The following OSER1 variants were observed in gnomAD, a reference collection of about 807,000 sequenced individuals.
The protein encoded by OSER1 is oxidative stress-responsive serine-rich protein 1.
A neutral mutation model predicts 26.3 loss-of-function variants in OSER1; 15 were observed. That is an observed-to-expected ratio of 0.57 (90% CI 0.38 to 0.88). The LOEUF (loss-of-function observed/expected upper bound fraction) is 0.88, where lower values mean the gene tolerates loss of function less well. Ranked by LOEUF, OSER1 falls within the 40% of genes least tolerant of loss-of-function variation. The probability of loss-of-function intolerance (pLI) is 0.00; values close to 1 mark genes in which losing one functional copy is unlikely to be tolerated. For synonymous variants in OSER1, 127 were observed against 128.2 expected, an observed-to-expected ratio of 0.99 and a Z score of 0.07; for missense variants, 313 against 353.9, an observed-to-expected ratio of 0.88 and a Z score of 0.93.
intron 3 of OSER1, 99 bp downstream of exon 3, chr20:44,202,862 T>G: frequency 4.6e-6 from 3 of 654,926 alleles, no homozygotes. Flanking sequence ...GGGTCTTAGG[T>G]TCTATATCAT....
intron 1 of OSER1, among the ~76,000 whole-genome samples, chr20:44,208,553 C>T (rs1453982861): frequency 6.6e-6 from 1 of 152,100 alleles, no homozygotes; most frequent in Admixed American, 6.5e-5. Context: ...ATTATCCACA[C>T]AATCCCATGC....
intron 3 of OSER1, among the ~76,000 whole-genome samples, chr20:44,198,128 A>C (rs1164153150): frequency 6.6e-6 from 1 of 152,180 alleles, no homozygotes; most frequent in African/African-American, 2.4e-5. Context: ...CTAAACCTGA[A>C]TATAGCAGCT....
At chr20:44,202,194 G>A (rs1239152897) in intron 3 of OSER1, among the ~76,000 whole-genome samples, 1 of 152,126 alleles carries the variant, frequency 6.6e-6, no homozygotes, top group Non-Finnish European at 1.5e-5. Context: ...TGGCCAACAT[G>A]ATGAAATTCT....
intron 2 of OSER1, among the ~76,000 whole-genome samples, chr20:44,206,024 A>G (rs1297190169): frequency 6.6e-6 from 1 of 151,950 alleles, no homozygotes; most frequent in Admixed American, 6.6e-5. Context: ...ACGTCCTACC[A>G]ATGTGACTTT....
intron 1 of OSER1, among the ~76,000 whole-genome samples, chr20:44,209,430 T>A (rs910173726): frequency 1.3e-5 from 2 of 152,212 alleles, no homozygotes; most frequent in African/African-American, 2.4e-5. Flanking sequence ...CTCCTCTGCA[T>A]CCCCAGATCC....
At chr20:44,204,615 C>CT (rs1208313024) in intron 2 of OSER1, among the ~76,000 whole-genome samples, 1 of 152,084 alleles carries the variant, frequency 6.6e-6, no homozygotes, top group East Asian at 1.9e-4. Context: ...ACACAGTACC[C>CT]TATAGGTAGG....
At chr20:44,203,944 A>G (rs1476246248) in intron 2 of OSER1, among the ~76,000 whole-genome samples, 1 of 152,200 alleles carries the variant, frequency 6.6e-6, no homozygotes, top group Non-Finnish European at 1.5e-5. Flanking sequence ...TAAGTGTACA[A>G]AGAACTTTTA....
rs2072998669 is a variant in OSER1, at chr20:44,202,998, G to A, written c.154C>T (p.Pro52Ser). The A allele has an allele frequency of 1.9e-6, 3 of 1,612,770 alleles. No individual in the cohort carries two copies. In the Admixed American group the frequency reaches 5.0e-5, roughly 27 times the overall value. ...PVRTATDDTK[P>S]KTTCASKDSW... Reference sequence around the variant, plus strand: ...TCTTTAGATGCACATGTGGTTTTAGGTTTGGTATCATCTGTTGCTGTTCTG... The same window carrying A: ...TCTTTAGATGCACATGTGGTTTTAGATTTGGTATCATCTGTTGCTGTTCTG... Residue 52 changes from proline to serine, a missense_variant, in exon 3 of 4, where the codon CCT (proline) becomes TCT (serine). By Grantham distance (74) the Pro-to-Ser change is moderately conservative. Coordinates refer to ENST00000255174, the MANE Select transcript of OSER1 (RefSeq NM_016470.8).
chr20:44,198,067 C>T, intron 3 of OSER1, among the ~76,000 whole-genome samples: 1 of 152,188 alleles, frequency 6.6e-6, no homozygotes, highest in South Asian at 2.1e-4. Flanking sequence ...CTGAGGGAAG[C>T]ACCTCAAACA....
chr20:44,197,710 A>G lies in OSER1; in HGVS notation c.221T>C (p.Val74Ala), dbSNP rs9346. ...GSTRKSSRGA[V>A]RTQRRRRSKS... Reference sequence around the variant, plus strand: ...AGAACGTCGACGACGCTGAGTTCTCACTGCTCCTCGTGAAGACTTCCTTGT... The same window carrying G: ...AGAACGTCGACGACGCTGAGTTCTCGCTGCTCCTCGTGAAGACTTCCTTGT... Residue 74 changes from valine (V) to alanine (A), a missense_variant, in exon 4 of 4, where the codon GTG (valine) becomes GCG (alanine). Physicochemically the swap from Val to Ala is moderately conservative, Grantham distance 64. Transcript: ENST00000255174. 12 of 1,612,588 alleles carry G rather than the reference A, an allele frequency of 7.4e-6. No homozygotes were observed. In the South Asian group the frequency reaches 1.2e-4, roughly 16 times the overall value.
At chr20:44,200,590 G>A (rs576720409) in intron 3 of OSER1, among the ~76,000 whole-genome samples, 7 of 152,340 alleles carry the variant, frequency 4.6e-5, no homozygotes, top group African/African-American at 1.4e-4. Context: ...AAATGTAAAA[G>A]TTAAGAGAGA....
chr20:44,197,297 T>C lies in OSER1; in HGVS notation c.634A>G (p.Met212Val). Residue 212 changes from methionine to valine, a missense_variant, in exon 4 of 4, where the codon ATG becomes GTG. By Grantham distance (21) the Met-to-Val change is conservative (BLOSUM62 1). Coordinates refer to ENST00000255174, the MANE Select transcript of OSER1 (RefSeq NM_016470.8). ...AGGCCTGAAAAGGAATACACTTCCATATCATGCCATCTCTTACACTGGCAT... is the reference window on the plus strand; with the variant it reads ...AGGCCTGAAAAGGAATACACTTCCACATCATGCCATCTCTTACACTGGCAT... ...KECQCKRWHD[M>V]EVYSFSGLQS... 1 of 1,614,170 alleles carries C rather than the reference T, an allele frequency of 6.2e-7. No homozygotes were observed. Among genetic ancestry groups the C allele is most frequent in the Non-Finnish European group, 8.5e-7 (1 of 1,179,968 alleles).
chr20:44,204,812 T>G (rs980675861), intron 2 of OSER1, among the ~76,000 whole-genome samples: 1 of 152,190 alleles, frequency 6.6e-6, no homozygotes, highest in African/African-American at 2.4e-5. Context: ...TCCAAGTAAT[T>G]TTTAGGGATA....
chr20:44,210,566 C>G (rs1335481179), intron 1 of OSER1, 130 bp downstream of exon 1: 7 of 152,408 alleles, frequency 4.6e-5, no homozygotes. Context: ...AGGCCCGGCC[C>G]AGGCAGGAGG....
At position 44,197,870 on chromosome 20, in the gene OSER1, T is replaced by C. The variant is rs2072938291; in HGVS notation, c.192-131A>G. 6 of 613,142 alleles carry C rather than the reference T, an allele frequency of 9.8e-6. No homozygotes were observed. The South Asian group carries it at 1.3e-4, about 13-fold the overall frequency. The allele number at this position is 613,142 out of a possible 1,614,324, so 38.0% of individuals were successfully genotyped here. A position where few individuals can be genotyped will look rare whatever the true frequency, so the allele number is the denominator to read the frequency against. On this transcript the variant is annotated intron_variant, in intron 3 of 3. Coordinates refer to ENST00000255174, the MANE Select transcript of OSER1 (RefSeq NM_016470.8). ...AAGCTCATAAATTTCCTGCAAGAGA[T>C]GCACCTTCCTCCATTTTCATGCTGC...
At chr20:44,205,444 T>C (rs2073028366) in intron 2 of OSER1, among the ~76,000 whole-genome samples, 1 of 152,204 alleles carries the variant, frequency 6.6e-6, no homozygotes, top group African/African-American at 2.4e-5. Context: ...GTTTTTGAAG[T>C]AACATGGAAG....
At chr20:44,198,005 A>C (rs2072939779) in intron 3 of OSER1, among the ~76,000 whole-genome samples, 1 of 152,220 alleles carries the variant, frequency 6.6e-6, no homozygotes, top group South Asian at 2.1e-4. Flanking sequence ...CATTTGGGAC[A>C]GAACACCTGC....
In OSER1 at chr20:44,203,163, A is replaced by G. The variant is rs2073000703; in HGVS notation, c.78-89T>C. The G allele has an allele frequency of 7.9e-6, 5 of 629,660 alleles. No individual in the cohort carries two copies. In the East Asian group the frequency reaches 8.1e-5, roughly 10 times the overall value. 39.0% of individuals were successfully genotyped at this position (629,660 alleles called of 1,614,324 possible). On this transcript the variant is annotated intron_variant, in intron 2 of 3. Coordinates refer to ENST00000255174, the MANE Select transcript of OSER1 (RefSeq NM_016470.8). The stretch of plus-strand genomic sequence containing the variant: ...CACTAGCTCAAATACAACTTTTATC[A>G]ATACATTTTTTTTTCTAGTTTGGGT...
intron 1 of OSER1, among the ~76,000 whole-genome samples, chr20:44,209,092 G>A (rs900271940): frequency 2.6e-5 from 4 of 152,148 alleles, no homozygotes; most frequent in Admixed American, 2.0e-4. Flanking sequence ...TGTGCTAAGA[G>A]GCTCTGAACC....
Sources: gnomAD v4.1 joint callset for allele counts (sites outside exome capture counted in the v4.1 genomes callset) on GRCh38, gnomAD v4.1.1 for gene constraint, MANE v1.5 for transcripts, NCBI Gene and HGNC (gene_info 2026-07-23, HGNC 2026-07-21) for gene names.